The following FREM3 variants were observed in gnomAD, a reference collection of about 807,000 sequenced individuals.
FREM3 encodes the protein FRAS1-related extracellular matrix protein 3.
Under a neutral mutation model 129.1 loss-of-function variants are expected in FREM3, and 105 were observed. The observed-to-expected ratio is 0.81, with a 90% confidence interval of 0.69 to 0.96. The LOEUF is 0.96. Ranked by LOEUF, FREM3 falls within the 40% of genes least tolerant of loss-of-function variation. The pLI, the probability that FREM3 is intolerant of heterozygous loss-of-function variation, is 0.00. For synonymous variants in FREM3, 1,014 were observed against 1,044.9 expected (o/e 0.97, Z 0.57); for missense variants, 2,593 against 2,666.3 (o/e 0.97, Z 0.61).
intron 6 of FREM3, among the ~76,000 whole-genome samples, chr4:143,603,339 A>C (rs1738607483): frequency 6.6e-6 from 1 of 152,194 alleles, no homozygotes; most frequent in African/African-American, 2.4e-5. Context: ...TAATGTACAT[A>C]ATCTTATGAA....
chr4:143,669,836 G>A (rs919293839), intron 2 of FREM3, among the ~76,000 whole-genome samples: 1 of 151,912 alleles, frequency 6.6e-6, no homozygotes, highest in Admixed American at 6.6e-5. Context: ...TAGACATAGC[G>A]GGTACATGTG....
intron 2 of FREM3, among the ~76,000 whole-genome samples, chr4:143,686,240 A>T (rs1046310677): frequency 1.3e-5 from 2 of 152,208 alleles, no homozygotes; most frequent in Non-Finnish European, 2.9e-5. Context: ...GAGACATTAT[A>T]TAGTGGTAAA....
chr4:143,623,915 G>A (rs932029300), intron 4 of FREM3, among the ~76,000 whole-genome samples, 193 bp downstream of exon 4: 9 of 152,072 alleles, frequency 5.9e-5, no homozygotes, highest in East Asian at 1.9e-4. Context: ...TATTTTAATC[G>A]TCCTGTATTG....
rs569275522 is a variant in FREM3 at position 143,676,839 on chromosome 4, C to T, written c.5275+16274G>A. Among the ~76,000 whole-genome samples, 16 of 151,612 alleles carry T rather than the reference C, an allele frequency of 1.1e-4. No individual in the cohort carries two copies. The East Asian group carries it at 2.1e-3, about 20-fold the overall frequency. On this transcript the variant is annotated intron_variant, in intron 2 of 7. Transcript: ENST00000329798. ...ACCTAAGAATCCAACTTACAAGGGACGTGAAGGACCTCTTCAAGGAGAACT... is the reference window on the plus strand; with the variant it reads ...ACCTAAGAATCCAACTTACAAGGGATGTGAAGGACCTCTTCAAGGAGAACT...
intron 2 of FREM3, among the ~76,000 whole-genome samples, chr4:143,650,410 T>C (rs1739490172): frequency 6.6e-6 from 1 of 152,222 alleles, no homozygotes; most frequent in African/African-American, 2.4e-5. Flanking sequence ...CAGCCAAAGA[T>C]GATCAATGAC....
chr4:143,673,345 G>C (rs533303232), intron 2 of FREM3, among the ~76,000 whole-genome samples: 2 of 152,342 alleles, frequency 1.3e-5, no homozygotes, highest in Admixed American at 6.5e-5. Context: ...GTTGGAGTTT[G>C]CTGGAGGTCC....
chr4:143,615,702 A>T (rs1738830634), intron 5 of FREM3, among the ~76,000 whole-genome samples: 1 of 127,968 alleles, frequency 7.8e-6, no homozygotes, highest in African/African-American at 3.0e-5. Context: ...AATATCGTCA[A>T]GTGTCAAAAA....
intron 6 of FREM3, among the ~76,000 whole-genome samples, chr4:143,609,074 C>T (rs1046032785): frequency 6.6e-6 from 1 of 151,928 alleles, no homozygotes; most frequent in African/African-American, 2.4e-5. Context: ...AGAGACAACC[C>T]AATCAATCTC....
At chr4:143,667,277 A>T (rs1424762372) in intron 2 of FREM3, among the ~76,000 whole-genome samples, 1 of 152,204 alleles carries the variant, frequency 6.6e-6, no homozygotes. Context: ...AGATCTATAG[A>T]TTTATTCTAC....
chr4:143,698,148 C>T lies in FREM3; in HGVS notation c.2528G>A (p.Gly843Asp), dbSNP rs1430255252. The T allele has an allele frequency of 1.3e-6, 2 of 1,537,438 alleles. No individual in the cohort carries two copies. The highest frequency in any genetic ancestry group is 8.7e-7 in the Non-Finnish European group (1 of 1,146,964). Residue 843 changes from glycine to aspartate, a missense_variant, in exon 1 of 8, where the codon GGC becomes GAC. Gly to Asp is a moderately conservative substitution (Grantham distance 94). Around this residue, in one of 2 missense-constraint regions of FREM3, gnomAD observed 2,276 missense variants for 2,267.2 expected, o/e 1.00. Coordinates refer to ENST00000329798, the MANE Select transcript of FREM3 (RefSeq NM_001168235.2). ...TNRGFAILEGGSFNLSSNELH... is the reference protein window; with the variant it reads ...TNRGFAILEGDSFNLSSNELH... The stretch of plus-strand genomic sequence containing the variant: ...CTCATTACTGCTGAGGTTAAAGCTG[C>T]CTCCCTCTAAGATAGCAAAGCCTCT...
Position 143,688,925 on chromosome 4 carries a change from A to G in FREM3, c.5275+4188T>C, listed in dbSNP as rs377355434. On this transcript the variant is annotated intron_variant, in intron 2 of 7. Transcript: ENST00000329798. The stretch of plus-strand genomic sequence containing the variant: ...TAAGACCTGAAACTATAAAAATTCT[A>G]GAAGATAATATTGGAAAAACCCTTC... Among the ~76,000 whole-genome samples, 37 of 152,340 alleles carry G rather than the reference A, an allele frequency of 2.4e-4. No homozygotes were observed. The South Asian group carries it at 7.5e-3, about 31-fold the overall frequency.
Position 143,624,133 on chromosome 4 carries a change from C to G in FREM3, c.5628G>C (p.Thr1876=), listed in dbSNP as rs968405393. ...CATCTCCAGGGTCTACAATTTCAAC[C>G]GTTGCCATTTCTGGAAACTCCAGTA... ...MAVLEFPEMA[T]VEIVDPGDES... is the part of the protein sequence containing the mutation. The change falls in exon 4 of 8, where the codon ACG becomes ACC. Residue 1876 remains threonine, a synonymous_variant. Coordinates refer to ENST00000329798, the MANE Select transcript of FREM3 (RefSeq NM_001168235.2). The G allele has an allele frequency of 3.3e-6, 5 of 1,534,210 alleles. No homozygotes were observed. The highest frequency in any genetic ancestry group is 4.4e-6 in the Non-Finnish European group (5 of 1,144,180).
In FREM3 at chr4:143,699,631, C is replaced by T. The variant is rs954504423; in HGVS notation, c.1045G>A (p.Ala349Thr). 3.2e-5 allele frequency: 49 copies of T among 1,529,566 alleles called. No individual in the cohort carries two copies. Among genetic ancestry groups the T allele is most frequent in the Admixed American group, 4.0e-5 (2 of 50,566 alleles). 94.7% of individuals were successfully genotyped at this position (1,529,566 alleles called of 1,614,324 possible). A position where few individuals can be genotyped will look rare whatever the true frequency, so the allele number is the denominator to read the frequency against. ...GGGTGCCCTGGTGGGTGAGTGGGGG[C>T]GTTCAGAATGTTGAACACCAGGTCA... Reference protein sequence around the residue: ...PGDLVFNILNAPTHPPGHPGQ... With the variant: ...PGDLVFNILNTPTHPPGHPGQ... The change falls in exon 1 of 8, where the codon GCC becomes ACC. Residue 349 changes from alanine (A) to threonine (T), a missense_variant. Coordinates refer to ENST00000329798, the MANE Select transcript of FREM3 (RefSeq NM_001168235.2). The surrounding 1 kb of genome is among the most constrained non-coding windows in gnomAD (Gnocchi z 4.2).
intron 6 of FREM3, among the ~76,000 whole-genome samples, chr4:143,593,257 G>T (rs986295196): frequency 2.0e-5 from 3 of 152,204 alleles, no homozygotes; most frequent in Non-Finnish European, 4.4e-5. Context: ...TCTCTGTCCA[G>T]CTTTGTTCCG....
intron 5 of FREM3, among the ~76,000 whole-genome samples, chr4:143,616,978 C>A (rs1457928653): frequency 6.6e-6 from 1 of 152,034 alleles, no homozygotes; most frequent in Non-Finnish European, 1.5e-5. Flanking sequence ...TTGGGCCTGA[C>A]CAAAAACCAC....
intron 2 of FREM3, among the ~76,000 whole-genome samples, chr4:143,665,294 G>A (rs934244087): frequency 1.3e-5 from 2 of 152,014 alleles, no homozygotes; most frequent in Admixed American, 1.3e-4. Flanking sequence ...GGATGAATAA[G>A]GTGCCTTACC....
intron 2 of FREM3, among the ~76,000 whole-genome samples, chr4:143,661,590 G>A (rs1739724887): frequency 6.6e-6 from 1 of 151,792 alleles, no homozygotes. Context: ...GTATCAGGAT[G>A]ATGCTGGCCT....
At chr4:143,621,232 C>A in intron 4 of FREM3, 70 bp from the exon 5 acceptor site, 2 of 1,376,634 alleles carry the variant, frequency 1.5e-6, no homozygotes, top group Non-Finnish European at 2.0e-6. Flanking sequence ...CACACCTGAG[C>A]AGAAATGTAC....
Position 143,699,140 on chromosome 4 carries a change from G to C in FREM3, c.1536C>G (p.Thr512=). 1 of 1,537,400 alleles carries C rather than the reference G, an allele frequency of 6.5e-7. No individual in the cohort carries two copies. Among genetic ancestry groups the C allele is most frequent in the Non-Finnish European group, 8.7e-7 (1 of 1,146,952 alleles). The change falls in exon 1 of 8, where the codon ACC becomes ACG. Residue 512 remains threonine (T), a synonymous_variant. Transcript: ENST00000329798. The surrounding 1 kb of genome is among the most constrained non-coding windows in gnomAD (Gnocchi z 4.2). ...RVVYQHDGSN[T]YSDNIIFRME... is the part of the protein sequence containing the mutation. ...TCCGGAAGATGATATTGTCACTGTA[G>C]GTGTTGCTGCCATCATGCTGATACA...
Sources: gnomAD v4.1 joint callset for allele counts (sites outside exome capture counted in the v4.1 genomes callset) on GRCh38, gnomAD v4.1.1 for gene constraint, gnomAD v4.1.1 regional missense constraint, Gnocchi (gnomAD v3.1) non-coding constraint, MANE v1.5 for transcripts, NCBI Gene and HGNC (gene_info 2026-07-23, HGNC 2026-07-21) for gene names.